Variants in PAWR observed in about 807,000 individuals in gnomAD.
PAWR encodes the protein pro-apoptotic WT1 regulator, also known as PRKC apoptosis WT1 regulator protein.
In PAWR, 23 loss-of-function variants were observed where a neutral mutation model predicts 32.0. That is an observed-to-expected ratio of 0.72 (90% CI 0.52 to 1.02). The LOEUF is 1.02. PAWR is among the 50% of genes least tolerant of loss of function. PAWR has a pLI of 0.00. For synonymous variants in PAWR, 226 were observed against 187.1 expected (o/e 1.21, Z -1.70); for missense variants, 457 against 437.7 (o/e 1.04, Z -0.39).
intron 2 of PAWR, among the ~76,000 whole-genome samples, chr12:79,635,145 A>G (rs781777208): frequency 2.0e-4 from 31 of 152,148 alleles, no homozygotes; most frequent in Non-Finnish European, 3.5e-4. Context: ...TGTCAGATGC[A>G]GATTAAAACC....
intron 6 of PAWR, 91 bp from the exon 7 acceptor site, chr12:79,592,784 A>G (rs1377579693): frequency 1.7e-6 from 1 of 572,170 alleles, no homozygotes; most frequent in African/African-American, 2.0e-5. Context: ...AATTCATACA[A>G]CCAATTAATT....
intron 2 of PAWR, among the ~76,000 whole-genome samples, chr12:79,663,162 C>T (rs368714023): frequency 1.3e-5 from 2 of 152,172 alleles, no homozygotes; most frequent in African/African-American, 4.8e-5. Flanking sequence ...TAGCATAAGG[C>T]TTGCTCCCTT....
chr12:79,676,882 C>T (rs1282550837), intron 2 of PAWR, among the ~76,000 whole-genome samples: 2 of 152,216 alleles, frequency 1.3e-5, no homozygotes, highest in Admixed American at 1.3e-4. Context: ...TCAAATCTCA[C>T]ATTCCCTTCA....
chr12:79,675,248 C>T (rs186995459), intron 2 of PAWR, among the ~76,000 whole-genome samples: 7 of 152,094 alleles, frequency 4.6e-5, no homozygotes, highest in Non-Finnish European at 8.8e-5. Context: ...GGCGTGGTGC[C>T]GCACTTGTGT....
At chr12:79,651,505 A>G (rs1258801700) in intron 2 of PAWR, among the ~76,000 whole-genome samples, 2 of 152,136 alleles carry the variant, frequency 1.3e-5, no homozygotes, top group Admixed American at 6.6e-5. Flanking sequence ...CTCATCAGGT[A>G]TTTCAGTTTA....
intron 4 of PAWR, among the ~76,000 whole-genome samples, chr12:79,611,096 T>C (rs1333244376): frequency 6.7e-5 from 10 of 148,738 alleles, no homozygotes; most frequent in Non-Finnish European, 1.2e-4. Context: ...TTCTGGGTGT[T>C]TGAACCTCCT....
intron 2 of PAWR, among the ~76,000 whole-genome samples, chr12:79,665,962 A>C (rs1182573374): frequency 6.6e-6 from 1 of 152,220 alleles, no homozygotes; most frequent in Non-Finnish European, 1.5e-5. Flanking sequence ...TTGCATTTTC[A>C]CAAGGAAATA....
rs377443394 is a variant in PAWR, at chr12:79,613,530, A to G, written c.683+45T>C. 33 of 1,063,634 alleles carry G rather than the reference A, an allele frequency of 3.1e-5. No individual in the cohort carries two copies. In the African/African-American group the frequency reaches 4.8e-4, roughly 16 times the overall value. 65.9% of individuals were successfully genotyped at this position (1,063,634 alleles called of 1,614,324 possible). A position where few individuals can be genotyped will look rare whatever the true frequency, so the allele number is the denominator to read the frequency against. ...CTAGTTAAGTCAATGTCAGACAGAC[A>G]TTACATTCATGTCTACAATATGTTT... On this transcript the variant is annotated intron_variant, in intron 4 of 6. Transcript: ENST00000328827.
intron 2 of PAWR, among the ~76,000 whole-genome samples, chr12:79,625,576 C>T (rs574148388): frequency 2.2e-4 from 34 of 152,104 alleles, no homozygotes; most frequent in African/African-American, 7.0e-4. Flanking sequence ...AATCCCAGCA[C>T]TTTGGGAGGC....
At chr12:79,659,117 G>A (rs550307635) in intron 2 of PAWR, among the ~76,000 whole-genome samples, 1 of 152,226 alleles carries the variant, frequency 6.6e-6, no homozygotes, top group Non-Finnish European at 1.5e-5. Context: ...CTAACACGGT[G>A]AAACCCCATC....
intron 4 of PAWR, chr12:79,604,118 T>C: frequency 2.5e-6 from 1 of 407,254 alleles, no homozygotes; most frequent in Non-Finnish European, 3.3e-6. Flanking sequence ...TTAACCTATT[T>C]TGAAAGCCAG....
At chr12:79,633,528 G>T (rs1199666009) in intron 2 of PAWR, among the ~76,000 whole-genome samples, 1 of 151,896 alleles carries the variant, frequency 6.6e-6, no homozygotes, top group Non-Finnish European at 1.5e-5. Context: ...TTTTGTTGTT[G>T]TTTTTCTTTT....
In PAWR at chr12:79,644,333, A is replaced by G. The variant is rs116597989; in HGVS notation, c.517-23126T>C. On this transcript the variant is annotated intron_variant, in intron 2 of 6. Coordinates refer to ENST00000328827, the MANE Select transcript of PAWR (RefSeq NM_002583.4). ...GCTCTTGTGCAGCGTCTTTTAAAGA[A>G]TGATAATCATATGCCTCTCTCATTA... Among the ~76,000 whole-genome samples the G allele has an allele frequency of 2.1e-3, 323 of 152,304 alleles. 2 individuals are homozygous for G. Among genetic ancestry groups the G allele is most frequent in the African/African-American group, 7.6e-3 (315 of 41,570 alleles).
At chr12:79,689,228 C>T (rs573566295) in intron 2 of PAWR, among the ~76,000 whole-genome samples, 4 of 152,340 alleles carry the variant, frequency 2.6e-5, no homozygotes, top group Admixed American at 2.6e-4. Context: ...TCATCTTGAG[C>T]TCACTGTAAG....
chr12:79,658,078 G>A (rs1877179916), intron 2 of PAWR, among the ~76,000 whole-genome samples: 1 of 152,122 alleles, frequency 6.6e-6, no homozygotes, highest in South Asian at 2.1e-4. Flanking sequence ...CACCAAAGCA[G>A]TCTCATATCC....
At chr12:79,615,624 G>A (rs1250553880) in intron 3 of PAWR, among the ~76,000 whole-genome samples, 2 of 147,230 alleles carry the variant, frequency 1.4e-5, no homozygotes, top group Non-Finnish European at 3.0e-5. Flanking sequence ...AGATATCCAC[G>A]AATCTACACT....
intron 2 of PAWR, among the ~76,000 whole-genome samples, chr12:79,654,518 G>A (rs1415742539): frequency 6.6e-6 from 1 of 152,114 alleles, no homozygotes; most frequent in Non-Finnish European, 1.5e-5. Flanking sequence ...CTTCACATGG[G>A]AAGCTGTTCA....
chr12:79,627,687 T>C (rs1202746624), intron 2 of PAWR, among the ~76,000 whole-genome samples: 2 of 152,184 alleles, frequency 1.3e-5, no homozygotes, highest in South Asian at 2.1e-4. Context: ...CTGAACGGTA[T>C]TGCCTAGGTT....
chr12:79,650,324 T>C (rs1226806797), intron 2 of PAWR, among the ~76,000 whole-genome samples: 1 of 152,242 alleles, frequency 6.6e-6, no homozygotes, highest in Non-Finnish European at 1.5e-5. Flanking sequence ...GGCTACACGC[T>C]ACATTGACAC....
Sources: allele counts gnomAD v4.1 joint callset (sites outside exome capture counted in the v4.1 genomes callset), GRCh38; gene constraint gnomAD v4.1.1; transcripts MANE v1.5; gene names NCBI Gene and HGNC (gene_info 2026-07-23, HGNC 2026-07-21).